ABR: variants seen among roughly 807,000 people sequenced by gnomAD.
ABR encodes active breakpoint cluster region-related protein.
ABR carries 35 observed loss-of-function variants against 107.2 expected under a neutral mutation model. The ratio of observed to expected loss-of-function variants is 0.33; its 90% CI spans 0.25 to 0.43. The LOEUF is 0.43. ABR is among the 20% of genes least tolerant of loss of function. The probability of loss-of-function intolerance (pLI) is 1.00; values close to 1 mark genes in which losing one functional copy is unlikely to be tolerated. For synonymous variants in ABR, 498 were observed against 462.0 expected (o/e 1.08, Z -1.00); for missense variants, 815 against 1,115.2 (o/e 0.73, Z 3.83).
intron 14 of ABR, among the ~76,000 whole-genome samples, chr17:1,054,645 C>G (rs187988104): frequency 0.033 from 88 of 2,646 alleles, 12 homozygotes; most frequent in African/African-American, 0.25. Context: ...CAAGGAACCT[C>G]AGGGGATGGG....
In ABR at chr17:1,200,148, T is replaced by A. The variant is rs78831317; in HGVS notation, c.838+28645A>T. ...CAAAAATATTTGGGAGGAAAACAAT[T>A]AAAAAAAAACACCACAAAAATAAAA... On this transcript the variant is annotated intron_variant, in intron 1 of 22. Transcript: ENST00000574139. The surrounding 1 kb of genome is among the most constrained non-coding windows in gnomAD (Gnocchi z 4.1). 0.21 allele frequency among the ~76,000 whole-genome samples: 31,025 copies of A among 149,206 alleles called. 3,357 individuals carry two copies. The highest frequency in any genetic ancestry group is 0.24 in the Middle Eastern group (72 of 294).
chr17:1,123,739 G>C (rs1430061281), intron 2 of ABR, among the ~76,000 whole-genome samples: 2 of 152,156 alleles, frequency 1.3e-5, no homozygotes, highest in Admixed American at 1.3e-4. Context: ...TGAAGGCAGA[G>C]ATGGGAGCGA....
intron 20 of ABR, 27 bp from the exon 21 acceptor site, chr17:1,009,811 G>A (rs560992617): frequency 1.9e-5 from 30 of 1,599,724 alleles, no homozygotes; most frequent in Middle Eastern, 1.7e-4. Context: ...CCAGTGTGGC[G>A]TTTGGCTCCT....
chr17:1,186,636 C>T (rs2042304519), intron 1 of ABR, among the ~76,000 whole-genome samples: 1 of 152,216 alleles, frequency 6.6e-6, no homozygotes, highest in African/African-American at 2.4e-5. Flanking sequence ...TATGCACTCC[C>T]CGAGCCACCG....
chr17:1,161,658 A>G (rs1165705341), intron 1 of ABR, among the ~76,000 whole-genome samples: 1 of 151,236 alleles, frequency 6.6e-6, no homozygotes, highest in Admixed American at 6.6e-5. Context: ...GGGTTCAAAC[A>G]ATTCTCCTGC....
intron 18 of ABR, chr17:1,012,282 C>T (rs1253524445): frequency 3.1e-6 from 2 of 645,450 alleles, no homozygotes; most frequent in Non-Finnish European, 5.7e-6. Context: ...GTAGGAGGCC[C>T]AGCAGGCAGC....
At chr17:1,102,925 G>A (rs975021710) in intron 2 of ABR, among the ~76,000 whole-genome samples, 7 of 152,070 alleles carry the variant, frequency 4.6e-5, no homozygotes, top group South Asian at 2.1e-4. Context: ...GGCCAGGCTC[G>A]TCTCAAACTC....
At chr17:1,069,854 C>T (rs542196433) in intron 9 of ABR, 115 bp downstream of exon 9, 1 of 238,952 alleles carries the variant, frequency 4.2e-6, no homozygotes, top group South Asian at 5.2e-5. Context: ...CCCCTGGACT[C>T]GCACACTCAC....
At chr17:1,008,585 A>G (rs1166797784) in intron 21 of ABR, among the ~76,000 whole-genome samples, 2 of 152,216 alleles carry the variant, frequency 1.3e-5, no homozygotes, top group Non-Finnish European at 2.9e-5. Context: ...TTGGGGCTCT[A>G]GTCCTGGCCA....
At chr17:1,207,376 G>A (rs2042808475) in intron 1 of ABR, among the ~76,000 whole-genome samples, 1 of 152,104 alleles carries the variant, frequency 6.6e-6, no homozygotes, top group Non-Finnish European at 1.5e-5. Context: ...TTGGCCGTGT[G>A]CAGTGGCTCA....
At chr17:1,204,749 T>C (rs2042754248) in intron 1 of ABR, among the ~76,000 whole-genome samples, 1 of 152,164 alleles carries the variant, frequency 6.6e-6, no homozygotes, top group African/African-American at 2.4e-5. Flanking sequence ...ACTATGTACC[T>C]GGGCTGTATG....
At chr17:1,164,227 A>G (rs2041412870) in intron 1 of ABR, among the ~76,000 whole-genome samples, 1 of 150,230 alleles carries the variant, frequency 6.7e-6, no homozygotes, top group Admixed American at 6.6e-5. Context: ...CGCCCAGTGA[A>G]CATGGATGTC....
intron 3 of ABR, 133 bp downstream of exon 3, chr17:1,100,504 C>G (rs1212727392): frequency 2.5e-6 from 2 of 806,508 alleles, no homozygotes; most frequent in African/African-American, 3.4e-5. Context: ...AGCAGACCAG[C>G]TGCAGACTCT....
chr17:1,199,132 G>A (rs868769256), intron 1 of ABR, among the ~76,000 whole-genome samples: 8 of 150,478 alleles, frequency 5.3e-5, no homozygotes, highest in African/African-American at 7.4e-5. Flanking sequence ...TGAGGGGGCC[G>A]GGGAAGGTGT....
intron 1 of ABR, among the ~76,000 whole-genome samples, chr17:1,196,236 C>A (rs571342977): frequency 7.2e-5 from 11 of 151,896 alleles, no homozygotes; most frequent in African/African-American, 2.7e-4. Flanking sequence ...TCAAGACCAG[C>A]CTGGCCAACA....
intron 2 of ABR, among the ~76,000 whole-genome samples, chr17:1,101,734 C>CT (rs796580737): frequency 4.1e-3 from 583 of 140,784 alleles, no homozygotes; most frequent in East Asian, 8.0e-3. Flanking sequence ...TTTATTTTTT[C>CT]TTTTTTTTTT....
intron 16 of ABR, among the ~76,000 whole-genome samples, chr17:1,016,581 G>A (rs1467896823): frequency 6.6e-6 from 1 of 151,990 alleles, no homozygotes; most frequent in African/African-American, 2.4e-5. Flanking sequence ...CTCCCAAAGT[G>A]CTGGGATTAC....
At chr17:1,085,679 C>T (rs1240939256) in intron 4 of ABR, among the ~76,000 whole-genome samples, 7 of 151,976 alleles carry the variant, frequency 4.6e-5, no homozygotes, top group East Asian at 3.9e-4. Flanking sequence ...TGAGACGTGC[C>T]GGACATGTAA....
At chr17:1,102,762 G>A (rs527786103) in intron 2 of ABR, among the ~76,000 whole-genome samples, 6 of 152,258 alleles carry the variant, frequency 3.9e-5, no homozygotes, top group African/African-American at 1.4e-4. Context: ...CAGGGCTGGA[G>A]TGCAATGGCA....
Sources: allele counts gnomAD v4.1 joint callset (sites outside exome capture counted in the v4.1 genomes callset), GRCh38; gene constraint gnomAD v4.1.1; non-coding constraint Gnocchi (gnomAD v3.1); transcripts MANE v1.5; gene names NCBI Gene and HGNC (gene_info 2026-07-23, HGNC 2026-07-21).